The following DICER1 variants were observed in gnomAD, a reference collection of about 807,000 sequenced individuals.
The protein encoded by DICER1 is endoribonuclease Dicer.
DICER1 carries 43 observed loss-of-function variants against 194.1 expected under a neutral mutation model. The ratio of observed to expected loss-of-function variants is 0.22; its 90% CI spans 0.17 to 0.29. The LOEUF is 0.29. Ranked by LOEUF, DICER1 falls within the 10% of genes least tolerant of loss-of-function variation. The pLI is 1.00. For missense variants in DICER1, 1,608 were observed against 2,317.0 expected, an observed-to-expected ratio of 0.69 and a Z score of 6.28; for synonymous variants, 832 against 820.5, an observed-to-expected ratio of 1.01 and a Z score of -0.24.
Position 95,124,806 on chromosome 14 carries a change from TG to T in DICER1, c.904-139del, listed in dbSNP as rs1229358424. The T allele has an allele frequency of 5.6e-6, 4 of 719,408 alleles. No homozygotes were observed. Among genetic ancestry groups the T allele is most frequent in the African/African-American group, 1.8e-5 (1 of 55,946 alleles). The allele number at this position is 719,408 out of a possible 1,614,324, so 44.6% of individuals were successfully genotyped here. On this transcript the variant is annotated intron_variant, in intron 7 of 26. Coordinates refer to ENST00000343455, the MANE Select transcript of DICER1 (RefSeq NM_177438.3). This position sits in a 1 kb window ranked among gnomAD's most constrained non-coding sequence, Gnocchi z 4.5. ...CAGCCTTAGGTTAAGTCCCTGAAGG[TG>T]GGGGGAGAGGCCATTAGCCTTTTCA...
At chr14:95,133,199 A>C (rs1894101505) in intron 2 of DICER1, 116 bp downstream of exon 2, 2 of 1,010,616 alleles carry the variant, frequency 2.0e-6, no homozygotes, top group Non-Finnish European at 1.5e-6. Flanking sequence ...TGAGAAAATT[A>C]ATCAGAAGTG....
intron 20 of DICER1, 56 bp from the exon 21 acceptor site, chr14:95,104,182 A>G: frequency 7.2e-7 from 1 of 1,394,340 alleles, no homozygotes; most frequent in Non-Finnish European, 1.0e-6. Flanking sequence ...CTAGGCTGAG[A>G]GCAACAGCAA....
At chr14:95,098,125 A>C (rs982099636) in intron 22 of DICER1, among the ~76,000 whole-genome samples, 15 of 152,232 alleles carry the variant, frequency 9.9e-5, no homozygotes, top group African/African-American at 3.4e-4. Context: ...CTTTTATCAC[A>C]AACTGTGTGA....
chr14:95,114,856 C>A (rs1434272116), intron 11 of DICER1, among the ~76,000 whole-genome samples: 1 of 152,132 alleles, frequency 6.6e-6, no homozygotes, highest in African/African-American at 2.4e-5. Context: ...AAATAGCAGA[C>A]AAACCCAGAC....
chr14:95,087,153 T>C lies in DICER1; in HGVS notation c.*3345A>G, dbSNP rs551852272. 7 of 233,182 alleles carry C rather than the reference T, an allele frequency of 3.0e-5. No individual in the cohort carries two copies. Among genetic ancestry groups the C allele is most frequent in the Non-Finnish European group, 4.2e-5 (5 of 117,816 alleles). 14.4% of individuals were successfully genotyped at this position (233,182 alleles called of 1,614,324 possible). On this transcript the variant is annotated 3_prime_UTR_variant, in exon 27 of 27. Coordinates refer to ENST00000343455, the MANE Select transcript of DICER1 (RefSeq NM_177438.3). ...CCAGGGAGCGACTGAAGAAGCCGACTGCCGGGGGAACACCTGGATTCATGA... is the reference window on the plus strand; with the variant it reads ...CCAGGGAGCGACTGAAGAAGCCGACCGCCGGGGGAACACCTGGATTCATGA...
At position 95,124,592 on chromosome 14, in the gene DICER1, C is replaced by G; in HGVS notation, c.980G>C (p.Arg327Thr). ...CADKVAGMMV[R>T]ELQKYIKHEQ... ...ATGTTTGATGTATTTCTGTAGTTCT[C>G]TTACCATCATTCCAGCTACTTTATC... Residue 327 changes from arginine to threonine, a missense_variant, in exon 8 of 27, where the codon AGA (arginine) becomes ACA (threonine). This residue lies in a region of DICER1 where 657 missense variants were observed against 910.1 expected (regional missense o/e 0.72). Coordinates refer to ENST00000343455, the MANE Select transcript of DICER1 (RefSeq NM_177438.3). This position sits in a 1 kb window ranked among gnomAD's most constrained non-coding sequence, Gnocchi z 4.5. The G allele has an allele frequency of 1.2e-6, 2 of 1,613,790 alleles. No homozygotes were observed. The highest frequency in any genetic ancestry group is 1.7e-6 in the Non-Finnish European group (2 of 1,180,024).
intron 24 of DICER1, among the ~76,000 whole-genome samples, chr14:95,091,885 C>T (rs1267933039): frequency 6.6e-6 from 1 of 152,114 alleles, no homozygotes; most frequent in African/African-American, 2.4e-5. Context: ...CTTCATTAAG[C>T]CACTAGATAT....
intron 23 of DICER1, among the ~76,000 whole-genome samples, chr14:95,094,616 A>G (rs1305818433): frequency 1.3e-5 from 2 of 152,214 alleles, no homozygotes; most frequent in African/African-American, 2.4e-5. Context: ...GAATCTGTGC[A>G]TAAGTGATAC....
intron 1 of DICER1, among the ~76,000 whole-genome samples, chr14:95,155,407 G>C (rs1231589742): frequency 6.6e-6 from 1 of 152,188 alleles, no homozygotes; most frequent in Non-Finnish European, 1.5e-5. Flanking sequence ...CGCCATAAAA[G>C]TCACCCTCTC....
chr14:95,090,770 A>G (rs1193704539), intron 26 of DICER1, 107 bp from the exon 27 acceptor site: 28 of 1,344,928 alleles, frequency 2.1e-5, no homozygotes, highest in Non-Finnish European at 2.7e-5. Flanking sequence ...GTATAAGCTG[A>G]CACCACACAA....
intron 6 of DICER1, 153 bp downstream of exon 6, chr14:95,129,319 G>C (rs76985534): frequency 3.2e-5 from 22 of 681,296 alleles, no homozygotes; most frequent in Non-Finnish European, 5.1e-5. Context: ...ACAGGTAATG[G>C]TACTTATAGA....
chr14:95,147,078 A>T (rs140573836), intron 1 of DICER1, among the ~76,000 whole-genome samples: 47 of 152,344 alleles, frequency 3.1e-4, no homozygotes, highest in Middle Eastern at 3.4e-3. Flanking sequence ...CAACTTGAAC[A>T]CACAGAATTG....
intron 8 of DICER1, among the ~76,000 whole-genome samples, chr14:95,120,861 CA>C (rs2140166760): frequency 6.6e-6 from 1 of 152,318 alleles, no homozygotes; most frequent in African/African-American, 2.4e-5. Context: ...CCCTCTCCAG[CA>C]AGTGGAGATT....
intron 1 of DICER1, among the ~76,000 whole-genome samples, chr14:95,156,124 T>C (rs1895844192): frequency 6.6e-6 from 1 of 152,244 alleles, no homozygotes; most frequent in Non-Finnish European, 1.5e-5. Flanking sequence ...ACATATTCAA[T>C]ATAGCTAACC....
chr14:95,156,305 A>C (rs941523397), intron 1 of DICER1, among the ~76,000 whole-genome samples: 7 of 152,246 alleles, frequency 4.6e-5, no homozygotes, highest in Non-Finnish European at 7.3e-5. Context: ...CTCTTTCATC[A>C]GATGAATGTT....
At chr14:95,092,951 A>G (rs544723965) in intron 24 of DICER1, among the ~76,000 whole-genome samples, 1 of 152,290 alleles carries the variant, frequency 6.6e-6, no homozygotes, top group Admixed American at 6.5e-5. Flanking sequence ...AGGCGCGTTA[A>G]AGTAAGAGCA....
chr14:95,133,283 G>C (rs1241562102), intron 2 of DICER1, 32 bp downstream of exon 2: 8 of 1,609,756 alleles, frequency 5.0e-6, no homozygotes, highest in Non-Finnish European at 6.8e-6. Flanking sequence ...TTTTAGTGTA[G>C]AATGCTCCAG....
intron 22 of DICER1, among the ~76,000 whole-genome samples, chr14:95,097,901 G>A (rs888698407): frequency 8.5e-5 from 13 of 152,084 alleles, no homozygotes; most frequent in Admixed American, 3.9e-4. Context: ...CAACTGTAGC[G>A]GCAGACCTCA....
rs764029077 is a variant in DICER1 at position 95,103,953 on chromosome 14, T to C, written c.3443A>G (p.Gln1148Arg). 1 of 1,614,214 alleles carries C rather than the reference T, an allele frequency of 6.2e-7. No homozygotes were observed. The highest frequency in any genetic ancestry group is 8.5e-7 in the Non-Finnish European group (1 of 1,180,038). The change falls in exon 21 of 27, where the codon CAA becomes CGA. Residue 1148 changes from glutamine to arginine, a missense_variant. Gln to Arg is a conservative substitution (Grantham distance 43). This residue lies in a region of DICER1 where 222 missense variants were observed against 215.5 expected (regional missense o/e 1.03). Coordinates refer to ENST00000343455, the MANE Select transcript of DICER1 (RefSeq NM_177438.3). ...CAACGTTCTGCAGTTCACAGACATTTGGTCATGATTTTCTAGAGAGGAGGT... is the reference window on the plus strand; with the variant it reads ...CAACGTTCTGCAGTTCACAGACATTCGGTCATGATTTTCTAGAGAGGAGGT... Reference protein sequence around the residue: ...NRTSSLENHDQMSVNCRTLLS... With the variant: ...NRTSSLENHDRMSVNCRTLLS...
Sources: gnomAD v4.1 joint callset for allele counts (sites outside exome capture counted in the v4.1 genomes callset) on GRCh38, gnomAD v4.1.1 for gene constraint, gnomAD v4.1.1 regional missense constraint, Gnocchi (gnomAD v3.1) non-coding constraint, MANE v1.5 for transcripts, NCBI Gene and HGNC (gene_info 2026-07-23, HGNC 2026-07-21) for gene names.